HMCN1: variants seen among roughly 807,000 people sequenced by gnomAD.
The protein encoded by HMCN1 is hemicentin-1.
Under a neutral mutation model 625.9 loss-of-function variants are expected in HMCN1, and 321 were observed. The ratio of observed to expected loss-of-function variants is 0.51; its 90% CI spans 0.47 to 0.56. The LOEUF (loss-of-function observed/expected upper bound fraction) is 0.56, where lower values mean the gene tolerates loss of function less well. Among genes scored for constraint, HMCN1 ranks in the 20% least tolerant of loss-of-function variants. HMCN1 has a pLI of 0.00. For missense variants in HMCN1, 6,588 were observed against 6,887.3 expected, an observed-to-expected ratio of 0.96 and a Z score of 1.54; for synonymous variants, 2,425 against 2,417.6, an observed-to-expected ratio of 1.00 and a Z score of -0.09.
intron 21 of HMCN1, among the ~76,000 whole-genome samples, chr1:185,990,003 G>C (rs1457757692): frequency 6.6e-6 from 1 of 151,974 alleles, no homozygotes; most frequent in Non-Finnish European, 1.5e-5. Flanking sequence ...TCTGCCTTGA[G>C]GGTTTACTTT....
Position 186,144,350 on chromosome 1 carries a change from G to T in HMCN1, c.14095+7G>T. On this transcript the variant is annotated splice_region_variant and intron_variant, in intron 90 of 106. Coordinates refer to ENST00000271588, the MANE Select transcript of HMCN1 (RefSeq NM_031935.3). ...AATGAAAGAAATTGTCCAAGTAAGA[G>T]AAATACACTGTTTATACCTTAATAA... 1 of 1,612,766 alleles carries T rather than the reference G, an allele frequency of 6.2e-7. No homozygotes were observed. The highest frequency in any genetic ancestry group is 8.5e-7 in the Non-Finnish European group (1 of 1,179,706).
chr1:186,076,244 C>T (rs1433311520), intron 53 of HMCN1, among the ~76,000 whole-genome samples, 184 bp from the exon 54 acceptor site: 1 of 152,154 alleles, frequency 6.6e-6, no homozygotes, highest in Non-Finnish European at 1.5e-5. Context: ...CACTTGACAA[C>T]CAGCTCCGAC....
At chr1:185,915,585 G>A (rs924595263) in intron 6 of HMCN1, among the ~76,000 whole-genome samples, 3 of 152,032 alleles carry the variant, frequency 2.0e-5, no homozygotes, top group African/African-American at 7.2e-5. Flanking sequence ...GTACAGAAGG[G>A]TGTGTACCCA....
chr1:185,994,869 G>T lies in HMCN1; in HGVS notation c.3560G>T (p.Arg1187Ile). 5.0e-6 allele frequency: 8 copies of T among 1,613,818 alleles called. No homozygotes were observed. The highest frequency in any genetic ancestry group is 6.8e-6 in the Non-Finnish European group (8 of 1,179,790). Residue 1187 changes from arginine to isoleucine, a missense_variant, in exon 24 of 107, where the codon AGA (arginine) becomes ATA (isoleucine). Physicochemically the swap from Arg to Ile is moderately conservative, Grantham distance 97. Around this residue, in one of 3 missense-constraint regions of HMCN1, gnomAD observed 4,628 missense variants for 4,853.1 expected, o/e 0.95. Coordinates refer to ENST00000271588, the MANE Select transcript of HMCN1 (RefSeq NM_031935.3). The part of the protein sequence containing the change: ...PKHLKVQVGQ[R>I]VDIPCNAQGT... ...CATCTCAAAGTCCAAGTTGGTCAAA[G>T]AGTGGATATTCCATGTAATGCTCAA...
In HMCN1 at chr1:185,963,324, A is replaced by G. The variant is rs1650162709; in HGVS notation, c.1971-444A>G. 2.6e-5 allele frequency among the ~76,000 whole-genome samples: 4 copies of G among 152,268 alleles called. No homozygotes were observed. The South Asian group carries it at 8.3e-4, about 32-fold the overall frequency. On this transcript the variant is annotated intron_variant, in intron 12 of 106. Transcript: ENST00000271588. ...ACGCCTTACAGACTCACTGTGTGAC[A>G]TGAGACATTACATCTCTAAGGTTTT... is the stretch of plus-strand genomic sequence containing the variant.
chr1:185,872,576 T>C (rs1319123040), intron 4 of HMCN1, among the ~76,000 whole-genome samples: 1 of 152,060 alleles, frequency 6.6e-6, no homozygotes, highest in Non-Finnish European at 1.5e-5. Context: ...AGATGACTGC[T>C]CTCAACAGAA....
intron 1 of HMCN1, among the ~76,000 whole-genome samples, chr1:185,828,931 A>G (rs1469577560): frequency 6.6e-6 from 1 of 152,124 alleles, no homozygotes; most frequent in Non-Finnish European, 1.5e-5. Flanking sequence ...AAAACAACAA[A>G]ATTAACCTAT....
chr1:185,843,052 A>C (rs997259798), intron 1 of HMCN1, among the ~76,000 whole-genome samples: 1 of 152,236 alleles, frequency 6.6e-6, no homozygotes, highest in Non-Finnish European at 1.5e-5. Context: ...GAACCAAACA[A>C]TCTTTAATGC....
At chr1:185,743,698 G>T (rs1336198392) in intron 1 of HMCN1, among the ~76,000 whole-genome samples, 1 of 152,144 alleles carries the variant, frequency 6.6e-6, no homozygotes. Context: ...CATCACTGTG[G>T]AGAATAGGAA....
intron 36 of HMCN1, among the ~76,000 whole-genome samples, chr1:186,029,551 T>TA (rs1553277599): frequency 1.3e-5 from 2 of 151,768 alleles, no homozygotes; most frequent in Admixed American, 6.6e-5. Context: ...TTTTTTTTTT[T>TA]ATTTCTGTAA....
chr1:186,069,329 A>G (rs1327518367), intron 50 of HMCN1, among the ~76,000 whole-genome samples: 1 of 152,210 alleles, frequency 6.6e-6, no homozygotes, highest in Non-Finnish European at 1.5e-5. Flanking sequence ...GGCTAGGTAG[A>G]TAAGACGAAA....
chr1:186,119,753 G>C lies in HMCN1; in HGVS notation c.11965G>C (p.Val3989Leu). 6.2e-7 allele frequency: 1 copy of C among 1,613,870 alleles called. No homozygotes were observed. The highest frequency in any genetic ancestry group is 8.5e-7 in the Non-Finnish European group (1 of 1,179,862). ...HVTLHVHEPP[V>L]IQPQPSELHV... ...GATTGGTTTTTTTATAGAGCCTCCA[G>C]TCATTCAGCCCCAACCAAGTGAACT... The change falls in exon 79 of 107, where the codon GTC (valine) becomes CTC (leucine). Residue 3989 changes from valine (V) to leucine (L), a missense_variant. Coordinates refer to ENST00000271588, the MANE Select transcript of HMCN1 (RefSeq NM_031935.3).
chr1:185,953,853 C>T (rs1057093685), intron 11 of HMCN1, among the ~76,000 whole-genome samples: 8 of 150,464 alleles, frequency 5.3e-5, no homozygotes, highest in Admixed American at 3.3e-4. Context: ...GGGCTGAGTC[C>T]GAAAAGAGAG....
chr1:186,145,250 C>T (rs774048403), intron 91 of HMCN1, among the ~76,000 whole-genome samples, 153 bp from the exon 92 acceptor site: 2 of 152,232 alleles, frequency 1.3e-5, no homozygotes, highest in Non-Finnish European at 2.9e-5. Context: ...GCTAAACTAT[C>T]TTCCTTTGGA....
intron 3 of HMCN1, among the ~76,000 whole-genome samples, chr1:185,865,088 G>A (rs572687299): frequency 6.6e-6 from 1 of 152,314 alleles, no homozygotes; most frequent in Non-Finnish European, 1.5e-5. Flanking sequence ...TCTAGGCCAG[G>A]CTTGCTCACT....
In HMCN1 at chr1:185,948,866, G is replaced by A. The variant is rs1445463327; in HGVS notation, c.1829-13652G>A. 8.8e-4 allele frequency among the ~76,000 whole-genome samples: 134 copies of A among 151,814 alleles called. 1 individual carries two copies. The highest frequency in any genetic ancestry group is 2.3e-3 in the South Asian group (11 of 4,826). On this transcript the variant is annotated intron_variant, in intron 11 of 106. Transcript: ENST00000271588. ...GGCTGCTTCAAGCGGGATTAGGGGC[G>A]GCGTGGGAACCTAGAGTGGGAGAGA...
At chr1:186,110,782 G>T (rs1660836711) in intron 71 of HMCN1, among the ~76,000 whole-genome samples, 1 of 151,864 alleles carries the variant, frequency 6.6e-6, no homozygotes, top group Non-Finnish European at 1.5e-5. Flanking sequence ...TCCATTTTCT[G>T]CAGAGATGGG....
intron 97 of HMCN1, among the ~76,000 whole-genome samples, chr1:186,161,386 T>G (rs1248307725): frequency 2.6e-5 from 4 of 152,226 alleles, no homozygotes; most frequent in Non-Finnish European, 4.4e-5. Context: ...TTTGCCAGTC[T>G]GTGTCTTTTA....
chr1:186,133,107 T>G (rs1385021302), intron 86 of HMCN1, among the ~76,000 whole-genome samples: 2 of 152,174 alleles, frequency 1.3e-5, no homozygotes, highest in African/African-American at 2.4e-5. Flanking sequence ...GTCAGTGTGG[T>G]GACTCCTGGG....
Sources: gnomAD v4.1 joint callset for allele counts (sites outside exome capture counted in the v4.1 genomes callset) on GRCh38, gnomAD v4.1.1 for gene constraint, gnomAD v4.1.1 regional missense constraint, MANE v1.5 for transcripts, NCBI Gene and HGNC (gene_info 2026-07-23, HGNC 2026-07-21) for gene names.